Variants in SBF2 observed in about 807,000 individuals in gnomAD.
SBF2 encodes the protein myotubularin-related protein 13.
A neutral mutation model predicts 225.2 loss-of-function variants in SBF2; 112 were observed. The observed-to-expected ratio is 0.50, with a 90% confidence interval of 0.43 to 0.58. The LOEUF (loss-of-function observed/expected upper bound fraction) is 0.58. Among genes scored for constraint, SBF2 ranks in the 20% least tolerant of loss-of-function variants. The pLI is 0.00. For missense variants in SBF2, 1,996 were observed against 2,206.2 expected (o/e 0.90, Z 1.91); for synonymous variants, 763 against 773.3 (o/e 0.99, Z 0.22).
In SBF2 at chr11:9,812,579, C is replaced by G; in HGVS notation, c.4108G>C (p.Glu1370Gln). 1 of 1,614,232 alleles carries G rather than the reference C, an allele frequency of 6.2e-7. No individual in the cohort carries two copies. Among genetic ancestry groups the G allele is most frequent in the East Asian group, 2.2e-5 (1 of 44,884 alleles). The change falls in exon 30 of 40, where the codon GAA (glutamate) becomes CAA (glutamine). Residue 1370 changes from glutamate (E) to glutamine (Q), a missense_variant. Coordinates refer to ENST00000256190, the MANE Select transcript of SBF2 (RefSeq NM_030962.4). ...CIPSTIPTDS[E>Q]VTFLKALGDS... Reference sequence around the variant, plus strand: ...CCCAGCGCTTTCAGGAAGGTCACTTCTGAGTCAGTAGGGATGGTGCTTGGG... The same window carrying G: ...CCCAGCGCTTTCAGGAAGGTCACTTGTGAGTCAGTAGGGATGGTGCTTGGG...
At chr11:9,958,783 C>T (rs1004433781) in intron 16 of SBF2, 3 of 498,694 alleles carry the variant, frequency 6.0e-6, no homozygotes, top group East Asian at 4.5e-5. Context: ...TGAGAAGACA[C>T]GGGCAGATGA....
At chr11:10,203,404 CTAGA>C (rs1488194448) in intron 1 of SBF2, among the ~76,000 whole-genome samples, 1 of 152,072 alleles carries the variant, frequency 6.6e-6, no homozygotes, top group Non-Finnish European at 1.5e-5. Context: ...AAAATTAACC[CTAGA>C]TAAAATGTTG....
chr11:9,873,942 G>A (rs962994366), intron 17 of SBF2, among the ~76,000 whole-genome samples: 5 of 151,948 alleles, frequency 3.3e-5, no homozygotes, highest in South Asian at 2.1e-4. Context: ...TCAGCTACTC[G>A]GGAGGCTGAG....
intron 2 of SBF2, 105 bp downstream of exon 2, chr11:10,193,797 A>T: frequency 1.2e-6 from 1 of 821,146 alleles, no homozygotes; most frequent in Non-Finnish European, 2.1e-6. Flanking sequence ...TCTTACAATT[A>T]AATTATCAAA....
intron 1 of SBF2, among the ~76,000 whole-genome samples, chr11:10,300,565 C>A (rs1249671495): frequency 6.6e-6 from 1 of 151,616 alleles, no homozygotes; most frequent in Admixed American, 6.6e-5. Context: ...TTTCCAGGTG[C>A]TTCTAATCTG....
chr11:9,824,706 C>T (rs545980437), intron 28 of SBF2, among the ~76,000 whole-genome samples: 2 of 152,220 alleles, frequency 1.3e-5, no homozygotes, highest in East Asian at 3.9e-4. Context: ...AACATGGTGA[C>T]GTGTACAATG....
chr11:10,134,130 T>C (rs1319453271), intron 2 of SBF2, among the ~76,000 whole-genome samples: 1 of 152,086 alleles, frequency 6.6e-6, no homozygotes, highest in African/African-American at 2.4e-5. Context: ...GAAAGGCATA[T>C]CTCACATGGC....
intron 25 of SBF2, among the ~76,000 whole-genome samples, chr11:9,840,275 G>A (rs565308780): frequency 2.8e-4 from 40 of 144,112 alleles, no homozygotes; most frequent in Non-Finnish European, 5.1e-4. Context: ...AAACAAACCC[G>A]CTACTTTTGA....
chr11:10,123,743 T>C (rs1953597161), intron 2 of SBF2, among the ~76,000 whole-genome samples: 1 of 152,142 alleles, frequency 6.6e-6, no homozygotes, highest in South Asian at 2.1e-4. Flanking sequence ...CTTTATTGTC[T>C]GCATTATTCA....
At chr11:9,787,837 G>T in intron 35 of SBF2, 99 bp from the exon 36 acceptor site, 2 of 993,156 alleles carry the variant, frequency 2.0e-6, no homozygotes. Context: ...TGAGCAGCAT[G>T]GCCAGAGGGC....
intron 2 of SBF2, among the ~76,000 whole-genome samples, chr11:10,089,328 T>C (rs1260917993): frequency 6.6e-6 from 1 of 152,240 alleles, no homozygotes; most frequent in Non-Finnish European, 1.5e-5. Flanking sequence ...CGTCATTGAC[T>C]GGAAAATCAT....
At position 10,193,971 on chromosome 11, in the gene SBF2, C is replaced by A. The variant is rs1352614927; in HGVS notation, c.72G>T (p.Leu24=). Residue 24 remains leucine, a synonymous_variant, in exon 2 of 40, where the codon CTG becomes CTT. Coordinates refer to ENST00000256190, the MANE Select transcript of SBF2 (RefSeq NM_030962.4). Reference sequence around the variant, plus strand: ...GTGGAAATCTCTGGATTATTTTCCCCAGACCTTCTCCTGATCCTGTTAATA... The same window carrying A: ...GTGGAAATCTCTGGATTATTTTCCCAAGACCTTCTCCTGATCCTGTTAATA... ...DHEKPGSGEG[L]GKIIQRFPQK... The A allele has an allele frequency of 6.8e-6, 11 of 1,610,450 alleles. No homozygotes were observed. Among genetic ancestry groups the A allele is most frequent in the Non-Finnish European group, 5.9e-6 (7 of 1,176,938 alleles).
intron 1 of SBF2, among the ~76,000 whole-genome samples, chr11:10,197,151 T>C (rs1957405587): frequency 6.6e-6 from 1 of 152,108 alleles, no homozygotes; most frequent in Admixed American, 6.6e-5. Flanking sequence ...TTCTTCCTTT[T>C]ACTGAAGCTA....
chr11:10,229,430 T>C lies in SBF2; in HGVS notation c.56-35443A>G, dbSNP rs190910912. 3.8e-3 allele frequency among the ~76,000 whole-genome samples: 578 copies of C among 152,346 alleles called. 4 individuals are homozygous for C. The highest frequency in any genetic ancestry group is 5.4e-3 in the South Asian group (26 of 4,832). On this transcript the variant is annotated intron_variant, in intron 1 of 39. Transcript: ENST00000256190. ...TAGGGTGTCAATTTTAGATCTTTCC[T>C]CCTTTCTCTTATGGGCATTTAGTGC...
intron 2 of SBF2, among the ~76,000 whole-genome samples, chr11:10,081,295 T>C (rs190528351): frequency 1.2e-3 from 187 of 151,982 alleles, no homozygotes; most frequent in African/African-American, 4.0e-3. Flanking sequence ...TACAAACACA[T>C]AGAAATTAAA....
intron 14 of SBF2, among the ~76,000 whole-genome samples, chr11:9,965,444 A>G (rs959476284): frequency 2.0e-5 from 3 of 151,668 alleles, no homozygotes; most frequent in African/African-American, 4.8e-5. Context: ...ATGCGCCACC[A>G]CACCCGGCTA....
intron 2 of SBF2, among the ~76,000 whole-genome samples, chr11:10,071,609 T>TTGGCTGTGGAGCTTC (rs1950882297): frequency 6.6e-6 from 1 of 152,154 alleles, no homozygotes. Flanking sequence ...TTTTGCCCAT[T>TTGGCTGTGGAGCTTC]CAGTATGATA....
At chr11:10,250,761 C>T (rs73419140) in intron 1 of SBF2, among the ~76,000 whole-genome samples, 2,340 of 152,296 alleles carry the variant, frequency 0.015, 49 homozygotes, top group African/African-American at 0.041. Context: ...GTTCTGAGAA[C>T]ATCAGAGAAA....
intron 1 of SBF2, among the ~76,000 whole-genome samples, chr11:10,197,677 TTGA>T (rs1274052982): frequency 2.0e-5 from 3 of 152,206 alleles, no homozygotes; most frequent in Non-Finnish European, 4.4e-5. Flanking sequence ...GCAATGCTGT[TTGA>T]TGTTATTTTA....
Sources: gnomAD v4.1 joint callset for allele counts (sites outside exome capture counted in the v4.1 genomes callset) on GRCh38, gnomAD v4.1.1 for gene constraint, MANE v1.5 for transcripts, NCBI Gene and HGNC (gene_info 2026-07-23, HGNC 2026-07-21) for gene names.